CSTF3: variants seen among roughly 807,000 people sequenced by gnomAD.
CSTF3 encodes the protein cleavage stimulation factor subunit 3, also known as CF-1 77 kDa subunit.
In CSTF3, 29 loss-of-function variants were observed where a neutral mutation model predicts 105.8. The observed-to-expected ratio is 0.27, with a 90% confidence interval of 0.20 to 0.37. CSTF3 has a LOEUF of 0.37. Ranked by LOEUF, CSTF3 falls within the 10% of genes least tolerant of loss-of-function variation. The pLI is 1.00. For synonymous variants in CSTF3, 252 were observed against 281.9 expected, an observed-to-expected ratio of 0.89 and a Z score of 1.06; for missense variants, 357 against 879.3, an observed-to-expected ratio of 0.41 and a Z score of 7.51.
intron 3 of CSTF3, among the ~76,000 whole-genome samples, chr11:33,114,275 G>T (rs531132499): frequency 2.0e-5 from 3 of 152,216 alleles, no homozygotes; most frequent in African/African-American, 7.2e-5. Context: ...ATATTCACTT[G>T]TTCAAAAATA....
Position 33,099,206 on chromosome 11 carries a change from A to G in CSTF3, c.937-56T>C. Reference sequence around the variant, plus strand: ...ATAATTTTAATATAGTTGTGAGAGAATAAAATTAATAAAGTTACATCTACT... The same window carrying G: ...ATAATTTTAATATAGTTGTGAGAGAGTAAAATTAATAAAGTTACATCTACT... On this transcript the variant is annotated intron_variant, in intron 11 of 20. Coordinates refer to ENST00000323959, the MANE Select transcript of CSTF3 (RefSeq NM_001326.3). The surrounding 1 kb of genome is among the most constrained non-coding windows in gnomAD (Gnocchi z 4.1). 6.5e-7 allele frequency: 1 copy of G among 1,539,724 alleles called. No homozygotes were observed. The highest frequency in any genetic ancestry group is 8.7e-7 in the Non-Finnish European group (1 of 1,149,168).
intron 1 of CSTF3, among the ~76,000 whole-genome samples, chr11:33,151,437 C>T (rs578045910): frequency 3.3e-5 from 5 of 152,244 alleles, no homozygotes; most frequent in African/African-American, 9.6e-5. Context: ...CCACCTGCCT[C>T]GGCCTCTCAA....
At chr11:33,140,600 T>TGAC (rs1011503671) in intron 3 of CSTF3, among the ~76,000 whole-genome samples, 35 of 152,198 alleles carry the variant, frequency 2.3e-4, no homozygotes, top group Middle Eastern at 3.4e-3. Context: ...ATATCACAGA[T>TGAC]GACACTGTGT....
At chr11:33,136,396 A>T (rs1052905166) in intron 3 of CSTF3, among the ~76,000 whole-genome samples, 4 of 152,064 alleles carry the variant, frequency 2.6e-5, no homozygotes, top group Non-Finnish European at 5.9e-5. Flanking sequence ...CAACTAATAA[A>T]TGCATTGTCC....
At position 33,140,676 on chromosome 11, in the gene CSTF3, A is replaced by G. The variant is rs370246876; in HGVS notation, c.225+991T>C. 7.7e-4 allele frequency among the ~76,000 whole-genome samples: 117 copies of G among 152,228 alleles called. 2 individuals are homozygous for G. In the Middle Eastern group the frequency reaches 0.014, roughly 18 times the overall value. On this transcript the variant is annotated intron_variant, in intron 3 of 20. Transcript: ENST00000323959. ...TTTGAATAGGTCCAAAACAGACCTAAATATTATCAAATTTCAGGTACAGCA... is the reference window on the plus strand; with the variant it reads ...TTTGAATAGGTCCAAAACAGACCTAGATATTATCAAATTTCAGGTACAGCA...
intron 15 of CSTF3, among the ~76,000 whole-genome samples, chr11:33,095,849 A>C (rs1855218166): frequency 6.6e-6 from 1 of 151,888 alleles, no homozygotes; most frequent in Admixed American, 6.5e-5. Context: ...TAAATAAATA[A>C]ATAAATACTA....
intron 3 of CSTF3, chr11:33,136,313 C>T (rs1292306870): frequency 6.6e-6 from 1 of 151,720 alleles, no homozygotes; most frequent in African/African-American, 2.4e-5. Flanking sequence ...TAGGAGCAAA[C>T]CGGTTTAATA....
chr11:33,157,492 C>T (rs998102081), intron 1 of CSTF3, among the ~76,000 whole-genome samples: 2 of 151,840 alleles, frequency 1.3e-5, no homozygotes, highest in African/African-American at 4.8e-5. Flanking sequence ...CTGGCAAAAA[C>T]AATAAGCAAG....
chr11:33,098,880 T>C lies in CSTF3; in HGVS notation c.1054-116A>G, dbSNP rs1855251663. ...CCCCCAATGGCATCTCCATTGAGCATAAATATAGTATAAGCTGACAACTAA... is the reference window on the plus strand; with the variant it reads ...CCCCCAATGGCATCTCCATTGAGCACAAATATAGTATAAGCTGACAACTAA... On this transcript the variant is annotated intron_variant, in intron 12 of 20. Transcript: ENST00000323959. The C allele has an allele frequency of 2.3e-6, 3 of 1,307,268 alleles. No homozygotes were observed. The South Asian group carries it at 4.7e-5, about 21-fold the overall frequency. The allele number at this position is 1,307,268 out of a possible 1,614,324, so 81.0% of individuals were successfully genotyped here.
chr11:33,155,255 T>C (rs895584082), intron 1 of CSTF3, among the ~76,000 whole-genome samples: 4 of 151,716 alleles, frequency 2.6e-5, no homozygotes, highest in African/African-American at 9.7e-5. Context: ...TCCCCGCTAC[T>C]AGGGAGGCTG....
rs562776059 is a variant in CSTF3 at position 33,144,919 on chromosome 11, G to C, written c.28-2933C>G. The stretch of plus-strand genomic sequence containing the variant: ...TGAGCCCGGGAGGGAGAAGTTGCAG[G>C]GAACTGAGATTGCCGCCACTGCACT... On this transcript the variant is annotated intron_variant, in intron 1 of 20. Transcript: ENST00000323959. 5.0e-3 allele frequency: 1,121 copies of C among 223,096 alleles called. 18 individuals carry two copies. The highest frequency in any genetic ancestry group is 4.1e-3 in the Non-Finnish European group (447 of 108,048). 13.8% of individuals were successfully genotyped at this position (223,096 alleles called of 1,614,324 possible).
intron 3 of CSTF3, among the ~76,000 whole-genome samples, chr11:33,114,610 G>A (rs1359600221): frequency 6.6e-6 from 1 of 152,136 alleles, no homozygotes; most frequent in African/African-American, 2.4e-5. Flanking sequence ...CAGCACTTTG[G>A]GAGGCCGAGG....
rs148967532 is a variant in CSTF3 at position 33,093,218 on chromosome 11, C to T, written c.1376-878G>A. Among the ~76,000 whole-genome samples the T allele has an allele frequency of 1.2e-3, 176 of 152,176 alleles. No individual in the cohort carries two copies. The Middle Eastern group carries it at 0.017, about 15-fold the overall frequency. ...AAATATATTAGACCAAAGAAGATGGCGCTATTTTTTTGGCTTCTCTCTTCA... is the reference window on the plus strand; with the variant it reads ...AAATATATTAGACCAAAGAAGATGGTGCTATTTTTTTGGCTTCTCTCTTCA... On this transcript the variant is annotated intron_variant, in intron 15 of 20. Transcript: ENST00000323959.
chr11:33,139,450 TA>T (rs1224296756), intron 3 of CSTF3, among the ~76,000 whole-genome samples: 1 of 151,952 alleles, frequency 6.6e-6, no homozygotes, highest in Non-Finnish European at 1.5e-5. Flanking sequence ...TTCGGATTTT[TA>T]AAAAGTATTA....
rs145321792 is a variant in CSTF3, at chr11:33,102,396, C to T, written c.664-57G>A. 1,600 of 1,549,422 alleles carry T rather than the reference C, an allele frequency of 1.0e-3. 3 individuals carry two copies. Among genetic ancestry groups the T allele is most frequent in the East Asian group, 7.8e-3 (349 of 44,560 alleles). ...AGCCAGGAACAACTGAGATATATGG[C>T]GGATGGGGTAGATCAGTTTGGAAGA... On this transcript the variant is annotated intron_variant, in intron 9 of 20. Transcript: ENST00000323959.
At chr11:33,096,032 A>G (rs895109179) in intron 15 of CSTF3, among the ~76,000 whole-genome samples, 12 of 152,092 alleles carry the variant, frequency 7.9e-5, no homozygotes, top group African/African-American at 2.9e-4. Flanking sequence ...GATGAATATA[A>G]ACAACTCTGT....
At chr11:33,159,187 C>T (rs1849904559) in intron 1 of CSTF3, among the ~76,000 whole-genome samples, 1 of 152,106 alleles carries the variant, frequency 6.6e-6, no homozygotes, top group Non-Finnish European at 1.5e-5. Context: ...GGCGTGGTGG[C>T]TCGTGCCTGT....
At chr11:33,113,223 A>AAATAAATAAATAAATAAATAAATG in intron 3 of CSTF3, among the ~76,000 whole-genome samples, 1 of 151,630 alleles carries the variant, frequency 6.6e-6, no homozygotes, top group East Asian at 1.9e-4. Flanking sequence ...ATAAATAAAT[A>AAATAAATAAATAAATAAATAAATG]AATAAATAAA....
At chr11:33,133,654 G>A (rs1382258758) in intron 3 of CSTF3, among the ~76,000 whole-genome samples, 1 of 152,214 alleles carries the variant, frequency 6.6e-6, no homozygotes, top group Non-Finnish European at 1.5e-5. Context: ...AGACCAGCCT[G>A]GCCAAAATGG....
Sources: gnomAD v4.1 joint callset for allele counts (sites outside exome capture counted in the v4.1 genomes callset) on GRCh38, gnomAD v4.1.1 for gene constraint, Gnocchi (gnomAD v3.1) non-coding constraint, MANE v1.5 for transcripts, NCBI Gene and HGNC (gene_info 2026-07-23, HGNC 2026-07-21) for gene names.